Variants in NOS1 observed in about 807,000 individuals in gnomAD.
The protein encoded by NOS1 is NOS type I.
In NOS1, 51 loss-of-function variants were observed where a neutral mutation model predicts 164.5. That is an observed-to-expected ratio of 0.31 (90% confidence interval 0.25 to 0.39). The LOEUF is 0.39. Among genes scored for constraint, NOS1 ranks in the 10% least tolerant of loss-of-function variants. The probability of loss-of-function intolerance (pLI) is 1.00; values close to 1 mark genes in which losing one functional copy is unlikely to be tolerated. For synonymous variants in NOS1, 719 were observed against 745.8 expected (o/e 0.96, Z 0.59); for missense variants, 1,362 against 1,885.6 (o/e 0.72, Z 5.14).
At chr12:117,280,901 G>A in intron 7 of NOS1, 35 bp from the exon 8 acceptor site, 2 of 1,607,452 alleles carry the variant, frequency 1.2e-6, no homozygotes, top group Non-Finnish European at 1.7e-6. Flanking sequence ...CGGCATCAGG[G>A]CGGGACTTGC....
In NOS1 at chr12:117,242,721, C is replaced by G; in HGVS notation, c.2963-16G>C. The stretch of plus-strand genomic sequence containing the variant: ...TTGGATAGACCTGTGGGGAGAAAAA[C>G]AACAGTCTTCCTGAGAAGGGGTTGA... On this transcript the variant is annotated splice_polypyrimidine_tract_variant and intron_variant, in intron 19 of 28. Transcript: ENST00000317775. 1 of 1,611,870 alleles carries G rather than the reference C, an allele frequency of 6.2e-7. No individual in the cohort carries two copies. The highest frequency in any genetic ancestry group is 8.5e-7 in the Non-Finnish European group (1 of 1,177,946).
chr12:117,253,425 A>C (rs1158686265), intron 17 of NOS1, among the ~76,000 whole-genome samples: 1 of 152,136 alleles, frequency 6.6e-6, no homozygotes. Context: ...ATATGAAAAG[A>C]AGTCACAGAA....
chr12:117,222,826 G>A lies in NOS1; in HGVS notation c.3864C>T (p.Cys1288=), dbSNP rs755913053. 1.9e-6 allele frequency: 3 copies of A among 1,613,938 alleles called. No homozygotes were observed. Among genetic ancestry groups the A allele is most frequent in the Admixed American group, 3.3e-5 (2 of 60,002 alleles). The change falls in exon 26 of 29, where the codon TGC becomes TGT. Residue 1288 remains cysteine, a synonymous_variant. Transcript: ENST00000317775. ...NPCPMVLVFG[C]RQSKIDHIYR... ...AGATATGATCTATCTTGGATTGCCG[G>A]CACCCGAAGACCAGGACCATGGGGC...
intron 17 of NOS1, among the ~76,000 whole-genome samples, chr12:117,251,366 A>C (rs7961096): frequency 0.029 from 4,409 of 152,216 alleles, 210 homozygotes; most frequent in African/African-American, 0.099. Flanking sequence ...CAGGCGGTTG[A>C]TTCATTAATA....
At chr12:117,237,409 G>C (rs1426355302) in intron 20 of NOS1, among the ~76,000 whole-genome samples, 1 of 152,076 alleles carries the variant, frequency 6.6e-6, no homozygotes, top group Non-Finnish European at 1.5e-5. Flanking sequence ...AGGATTACAG[G>C]TGTGAGCCAC....
Position 117,331,174 on chromosome 12 carries a change from G to C in NOS1, c.-105C>G. On this transcript the variant is annotated 5_prime_UTR_variant, in exon 2 of 29. Transcript: ENST00000317775. Reference sequence around the variant, plus strand: ...GCTTCAGGCTACACGGAGAGCAGGAGCCGGGGTGACAGGTGCTGACAAGGC... The same window carrying C: ...GCTTCAGGCTACACGGAGAGCAGGACCCGGGGTGACAGGTGCTGACAAGGC... 4.2e-6 allele frequency: 6 copies of C among 1,423,658 alleles called. No individual in the cohort carries two copies. Among genetic ancestry groups the C allele is most frequent in the Non-Finnish European group, 5.7e-6 (6 of 1,053,996 alleles). 88.2% of individuals were successfully genotyped at this position (1,423,658 alleles called of 1,614,324 possible). A position where few individuals can be genotyped will look rare whatever the true frequency, so the allele number is the denominator to read the frequency against.
At chr12:117,293,350 A>C (rs1036298379) in intron 3 of NOS1, among the ~76,000 whole-genome samples, 1 of 152,152 alleles carries the variant, frequency 6.6e-6, no homozygotes, top group Admixed American at 6.5e-5. Flanking sequence ...AGGACAAGCC[A>C]CGGGTGGGAG....
intron 2 of NOS1, among the ~76,000 whole-genome samples, chr12:117,322,550 TC>T (rs1875023372): frequency 8.7e-6 from 1 of 115,576 alleles, no homozygotes; most frequent in African/African-American, 3.4e-5. Context: ...CTTCTTTCCT[TC>T]CTTCCCTGTC....
At chr12:117,292,919 C>T (rs1024181690) in intron 3 of NOS1, among the ~76,000 whole-genome samples, 2 of 152,130 alleles carry the variant, frequency 1.3e-5, no homozygotes, top group Non-Finnish European at 2.9e-5. Flanking sequence ...CAATGGATGC[C>T]ATTACATGGG....
chr12:117,277,489 G>A (rs1467431113), intron 9 of NOS1, among the ~76,000 whole-genome samples: 3 of 152,040 alleles, frequency 2.0e-5, no homozygotes, highest in Non-Finnish European at 1.5e-5. Context: ...GCTACTTGCA[G>A]GGGTTGAGGT....
At chr12:117,251,818 GC>G (rs989757357) in intron 17 of NOS1, among the ~76,000 whole-genome samples, 3 of 151,666 alleles carry the variant, frequency 2.0e-5, no homozygotes, top group Non-Finnish European at 4.4e-5. Context: ...TGTAACCTCT[GC>G]CTCCCAGGCT....
At chr12:117,302,045 A>G (rs1473496184) in intron 3 of NOS1, 1 of 456,484 alleles carries the variant, frequency 2.2e-6, no homozygotes, top group Admixed American at 2.4e-5. Context: ...GAGCACCAAA[A>G]CCCTCTGTGA....
At chr12:117,274,535 G>A (rs1326501607) in intron 9 of NOS1, among the ~76,000 whole-genome samples, 1 of 152,078 alleles carries the variant, frequency 6.6e-6, no homozygotes, top group African/African-American at 2.4e-5. Context: ...TTAGGAGGCC[G>A]AGGCAGGTGG....
intron 3 of NOS1, among the ~76,000 whole-genome samples, chr12:117,296,118 A>T (rs562918070): frequency 1.2e-4 from 19 of 152,242 alleles, no homozygotes; most frequent in Admixed American, 2.0e-4. Context: ...CTATATAGGC[A>T]TTTAGATAAT....
chr12:117,276,643 C>T (rs1873208542), intron 9 of NOS1, among the ~76,000 whole-genome samples: 1 of 152,080 alleles, frequency 6.6e-6, no homozygotes, highest in East Asian at 1.9e-4. Context: ...TACCCCTTCC[C>T]AGCCTCTGGT....
chr12:117,256,067 T>G (rs1398454987), intron 16 of NOS1: 3 of 1,242,740 alleles, frequency 2.4e-6, no homozygotes, highest in Admixed American at 3.1e-5. Flanking sequence ...GTGCCCTATC[T>G]CTCCCTGAAG....
At chr12:117,305,396 G>A (rs574273549) in intron 3 of NOS1, among the ~76,000 whole-genome samples, 281 of 151,974 alleles carry the variant, frequency 1.8e-3, no homozygotes, top group Admixed American at 4.4e-3. Flanking sequence ...CCTGGGAGGC[G>A]GAGCTTGCAG....
chr12:117,316,312 A>G (rs1874665100), intron 2 of NOS1, among the ~76,000 whole-genome samples: 1 of 152,124 alleles, frequency 6.6e-6, no homozygotes, highest in African/African-American at 2.4e-5. Context: ...CACAGAGCCC[A>G]GGAATTCGAT....
At chr12:117,344,904 A>G (rs1328017593) in intron 1 of NOS1, among the ~76,000 whole-genome samples, 5 of 152,214 alleles carry the variant, frequency 3.3e-5, no homozygotes, top group Non-Finnish European at 2.9e-5. Context: ...GGAGATGAGG[A>G]GCTACAGGCT....
Sources: gnomAD v4.1 joint callset for allele counts (sites outside exome capture counted in the v4.1 genomes callset) on GRCh38, gnomAD v4.1.1 for gene constraint, MANE v1.5 for transcripts, NCBI Gene and HGNC (gene_info 2026-07-23, HGNC 2026-07-21) for gene names.